Variants in TRPM3 observed in about 807,000 individuals in gnomAD.
TRPM3 encodes the protein long transient receptor potential channel 3.
Under a neutral mutation model 181.2 loss-of-function variants are expected in TRPM3, and 77 were observed. The observed-to-expected ratio is 0.42, with a 90% confidence interval of 0.35 to 0.51. The LOEUF is 0.51. TRPM3 is among the 20% of genes least tolerant of loss of function. The probability of loss-of-function intolerance (pLI) is 0.01; values close to 1 mark genes in which losing one functional copy is unlikely to be tolerated. For synonymous variants in TRPM3, 745 were observed against 796.4 expected (o/e 0.94, Z 1.09); for missense variants, 1,759 against 2,196.7 (o/e 0.80, Z 3.98).
At chr9:70,796,019 T>C (rs910741560) in intron 6 of TRPM3, among the ~76,000 whole-genome samples, 3 of 152,240 alleles carry the variant, frequency 2.0e-5, no homozygotes, top group African/African-American at 7.2e-5. Context: ...GATCTAAGTC[T>C]ACAAGAAAAC....
chr9:70,627,889 C>T (rs990797848), intron 12 of TRPM3, among the ~76,000 whole-genome samples: 4 of 152,042 alleles, frequency 2.6e-5, no homozygotes, highest in African/African-American at 9.7e-5. Flanking sequence ...TTATCTTTAT[C>T]CATCTAACTG....
At chr9:70,638,570 AAAACC>A (rs902976667) in intron 11 of TRPM3, among the ~76,000 whole-genome samples, 8 of 151,214 alleles carry the variant, frequency 5.3e-5, no homozygotes, top group African/African-American at 1.2e-4. Flanking sequence ...AAAACAAAAC[AAAACC>A]AAAATTTTTG....
intron 3 of TRPM3, among the ~76,000 whole-genome samples, chr9:70,859,379 T>C (rs1021274221): frequency 2.0e-5 from 3 of 152,134 alleles, no homozygotes; most frequent in Non-Finnish European, 2.9e-5. Context: ...CTGTGAAATA[T>C]TGTAATATAC....
Position 71,210,776 on chromosome 9 carries a change from A to G in TRPM3, c.183+235877T>C, listed in dbSNP as rs182253622. On this transcript the variant is annotated intron_variant, in intron 1 of 24. Transcript: ENST00000357533. ...CACACAACAGAAATCTGCTTCTTACAATTCGGGAGGATGAAAAGGGAAAGT... is the reference window on the plus strand; with the variant it reads ...CACACAACAGAAATCTGCTTCTTACGATTCGGGAGGATGAAAAGGGAAAGT... Among the ~76,000 whole-genome samples, 132 of 152,294 alleles carry G rather than the reference A, an allele frequency of 8.7e-4. 1 individual carries two copies. Among genetic ancestry groups the G allele is most frequent in the Admixed American group, 7.5e-3 (115 of 15,298 alleles).
chr9:71,170,926 CTT>C (rs2076818659), intron 1 of TRPM3, among the ~76,000 whole-genome samples: 1 of 152,186 alleles, frequency 6.6e-6, no homozygotes. Context: ...CCATATTTCT[CTT>C]CTTTCAAAAG....
intron 8 of TRPM3, among the ~76,000 whole-genome samples, chr9:70,694,948 A>G (rs1268407194): frequency 2.0e-5 from 3 of 152,218 alleles, no homozygotes; most frequent in Non-Finnish European, 2.9e-5. Context: ...CCTACAAAGT[A>G]AGCTAAGTGT....
upstream of TRPM3, among the ~76,000 whole-genome samples, chr9:71,123,981 C>A (rs547979312): frequency 1.2e-4 from 19 of 152,208 alleles, no homozygotes; most frequent in African/African-American, 4.6e-4. Context: ...TACTGAATAA[C>A]TTTGGTCAAA....
chr9:70,832,985 C>A (rs1348514456), intron 5 of TRPM3, among the ~76,000 whole-genome samples: 1 of 152,196 alleles, frequency 6.6e-6, no homozygotes, highest in Non-Finnish European at 1.5e-5. Flanking sequence ...TAATATCTCA[C>A]AATAAATGTT....
At chr9:70,660,776 C>A (rs1380490873) in intron 9 of TRPM3, among the ~76,000 whole-genome samples, 1 of 151,854 alleles carries the variant, frequency 6.6e-6, no homozygotes, top group South Asian at 2.1e-4. Flanking sequence ...TAACAAGCAG[C>A]AAGATTGAAT....
chr9:70,745,301 A>G (rs2074951987), intron 8 of TRPM3, among the ~76,000 whole-genome samples: 1 of 152,150 alleles, frequency 6.6e-6, no homozygotes, highest in Non-Finnish European at 1.5e-5. Context: ...AGGCAAATTG[A>G]CTATAAAGAC....
intron 1 of TRPM3, among the ~76,000 whole-genome samples, chr9:71,220,525 T>A (rs910659880): frequency 1.3e-5 from 2 of 152,066 alleles, no homozygotes; most frequent in Non-Finnish European, 2.9e-5. Flanking sequence ...TATTTTGAGA[T>A]TTTGCTTATA....
Position 70,942,988 on chromosome 9 carries a change from G to C in TRPM3, c.178-78477C>G, listed in dbSNP as rs182224539. Among the ~76,000 whole-genome samples the C allele has an allele frequency of 2.0e-5, 3 of 152,106 alleles. No individual in the cohort carries two copies. The East Asian group carries it at 5.8e-4, about 29-fold the overall frequency. On this transcript the variant is annotated intron_variant, in intron 1 of 25. Transcript: ENST00000677713. ...CATCAAGAAAGGTTTCCTAACTGGG[G>C]TCCTGTGGTAAAATGGAAAGGAGTT... is the stretch of plus-strand genomic sequence containing the variant.
chr9:70,576,655 T>C (rs2054082767), intron 22 of TRPM3, among the ~76,000 whole-genome samples: 1 of 151,864 alleles, frequency 6.6e-6, no homozygotes, highest in Non-Finnish European at 1.5e-5. Flanking sequence ...GCTGGGATTA[T>C]AGGCACCCGC....
At chr9:71,113,747 G>T (rs572916360) in intron 1 of TRPM3, among the ~76,000 whole-genome samples, 2 of 152,178 alleles carry the variant, frequency 1.3e-5, no homozygotes, top group African/African-American at 2.4e-5. Flanking sequence ...TGTATAGAGA[G>T]ATACTGAGTG....
rs184974650 is a variant in TRPM3, at chr9:70,674,685, A to G, written c.1345+6821T>C. Among the ~76,000 whole-genome samples, 744 of 150,574 alleles carry G rather than the reference A, an allele frequency of 4.9e-3. 8 individuals are homozygous for G. The highest frequency in any genetic ancestry group is 0.017 in the African/African-American group (704 of 41,066). ...AGCAATCCTCTCACCTCAAACTCCC[A>G]AGTAGCTGGGACTACATGCATATGC... On this transcript the variant is annotated intron_variant, in intron 9 of 25. Coordinates refer to ENST00000677713, the MANE Select transcript of TRPM3 (RefSeq NM_001366145.2).
intron 1 of TRPM3, among the ~76,000 whole-genome samples, chr9:71,422,009 A>G (rs955920491): frequency 1.2e-4 from 18 of 151,944 alleles, no homozygotes; most frequent in African/African-American, 3.4e-4. Context: ...AAGATGCTAC[A>G]TAAGTCAGAG....
intron 8 of TRPM3, among the ~76,000 whole-genome samples, chr9:70,748,615 G>A (rs556118668): frequency 2.6e-5 from 4 of 152,142 alleles, no homozygotes; most frequent in Non-Finnish European, 2.9e-5. Context: ...GTGCCCTTAC[G>A]AAAAAGGCCT....
At chr9:70,872,234 G>T (rs971777780) in intron 1 of TRPM3, among the ~76,000 whole-genome samples, 2 of 151,918 alleles carry the variant, frequency 1.3e-5, no homozygotes, top group African/African-American at 4.8e-5. Flanking sequence ...GCATGGTTTT[G>T]TTCCAATAAA....
chr9:70,669,571 G>A (rs1473217359), intron 9 of TRPM3, among the ~76,000 whole-genome samples: 1 of 152,110 alleles, frequency 6.6e-6, no homozygotes, highest in Non-Finnish European at 1.5e-5. Context: ...ACTCTGCTTA[G>A]GAAGAGGACT....
Sources: allele counts gnomAD v4.1 joint callset (sites outside exome capture counted in the v4.1 genomes callset), GRCh38; gene constraint gnomAD v4.1.1; transcripts MANE v1.5; gene names NCBI Gene and HGNC (gene_info 2026-07-23, HGNC 2026-07-21).